Variants in CCDC25 observed in about 807,000 individuals in gnomAD.
CCDC25 encodes coiled-coil domain containing 25.
In CCDC25, 16 loss-of-function variants were observed where a neutral mutation model predicts 35.3. The observed-to-expected ratio is 0.45, with a 90% CI of 0.31 to 0.69. The LOEUF is 0.69. CCDC25 is among the 30% of genes least tolerant of loss of function. CCDC25 has a pLI of 0.06. For missense variants in CCDC25, 179 were observed against 250.7 expected (o/e 0.71, Z 1.93); for synonymous variants, 79 against 80.3 (o/e 0.98, Z 0.09).
chr8:27,750,706 A>T lies in CCDC25; in HGVS notation c.244+1806T>A, dbSNP rs1032096647. Among the ~76,000 whole-genome samples the T allele has an allele frequency of 3.9e-5, 6 of 152,242 alleles. 1 individual carries two copies. The highest frequency in any genetic ancestry group is 2.6e-4 in the Admixed American group (4 of 15,284). ...TTCAGAAGTCCGGACTGAACAGTTT[A>T]GGCCGAGGAGAGTCAAGACAGTTTC... is the stretch of plus-strand genomic sequence containing the variant. On this transcript the variant is annotated intron_variant, in intron 5 of 8. Coordinates refer to ENST00000356537, the MANE Select transcript of CCDC25 (RefSeq NM_018246.3).
chr8:27,740,867 C>T (rs1803413038), intron 7 of CCDC25, among the ~76,000 whole-genome samples: 1 of 152,152 alleles, frequency 6.6e-6, no homozygotes, highest in Non-Finnish European at 1.5e-5. Flanking sequence ...CTGAGGTATA[C>T]AGCTCAGATT....
chr8:27,767,852 AAGAGAAAAAAAT>A lies in CCDC25; in HGVS notation c.29-2613_29-2602del, dbSNP rs374644227. ...AACGTTTCAGGAAAAAGGTGTGTGC[AAGAGAAAAAAAT>A]AGAGAAAAAGAGAAACGGAAAAAGA... is the stretch of plus-strand genomic sequence containing the variant. On this transcript the variant is annotated intron_variant, in intron 1 of 8. Transcript: ENST00000356537. 3.2e-3 allele frequency among the ~76,000 whole-genome samples: 486 copies of A among 152,310 alleles called. 8 individuals carry two copies. Among genetic ancestry groups the A allele is most frequent in the African/African-American group, 0.011 (462 of 41,562 alleles).
Position 27,756,757 on chromosome 8 carries a change from T to C in CCDC25, c.130A>G (p.Lys44Glu). Residue 44 changes from lysine to glutamate, a missense_variant, in exon 4 of 9, where the codon AAA becomes GAA. Physicochemically the swap from Lys to Glu is moderately conservative, Grantham distance 56. Coordinates refer to ENST00000356537, the MANE Select transcript of CCDC25 (RefSeq NM_018246.3). ...AGGTATACATGAGCCGAAGAGAGTT[T>C]GTCCACATGAAACCTACAAAGAATG... Reference protein sequence around the residue: ...WPEDIWFHVDKLSSAHVYLRL... With the variant: ...WPEDIWFHVDELSSAHVYLRL... 6.2e-7 allele frequency: 1 copy of C among 1,612,784 alleles called. No individual in the cohort carries two copies.
chr8:27,753,083 G>C (rs1803873151), intron 4 of CCDC25: 1 of 152,432 alleles, frequency 6.6e-6, no homozygotes, highest in African/African-American at 2.4e-5. Context: ...TTGTTGTGTA[G>C]ATCTCAACCA....
At position 27,772,547 on chromosome 8, in the gene CCDC25, G is replaced by A. The variant is rs781566328; in HGVS notation, c.-7C>T. 16 of 1,549,330 alleles carry A rather than the reference G, an allele frequency of 1.0e-5. No individual in the cohort carries two copies. In the South Asian group the frequency reaches 1.9e-4, roughly 18 times the overall value. Reference sequence around the variant, plus strand: ...TGGTGAAGTAGAACACCATGATCCCGGGAGCGGTGCGGTGACTCCACCGCG... The same window carrying A: ...TGGTGAAGTAGAACACCATGATCCCAGGAGCGGTGCGGTGACTCCACCGCG... On this transcript the variant is annotated 5_prime_UTR_variant, in exon 1 of 9. Transcript: ENST00000356537.
At chr8:27,761,492 G>A (rs556155741) in intron 3 of CCDC25, among the ~76,000 whole-genome samples, 3 of 152,352 alleles carry the variant, frequency 2.0e-5, no homozygotes, top group South Asian at 4.1e-4. Flanking sequence ...TTGGCATATA[G>A]TTAAGTGCTT....
At chr8:27,738,601 G>GGTGTGTGTGTGTGTGTGT (rs35046025) in intron 8 of CCDC25, among the ~76,000 whole-genome samples, 3 of 149,958 alleles carry the variant, frequency 2.0e-5, no homozygotes, top group Admixed American at 1.3e-4. Flanking sequence ...TCGGTAGGTA[G>GGTGTGTGTGTGTGTGTGT]GTGTGTGTGT....
At chr8:27,755,847 G>A (rs1803984173) in intron 4 of CCDC25, among the ~76,000 whole-genome samples, 1 of 152,066 alleles carries the variant, frequency 6.6e-6, no homozygotes, top group Non-Finnish European at 1.5e-5. Flanking sequence ...AACTGTCAAG[G>A]TCATAAAAAA....
rs778721552 is a variant in CCDC25, at chr8:27,762,473, G to A, written c.77-15C>T. 9 of 1,610,752 alleles carry A rather than the reference G, an allele frequency of 5.6e-6. No homozygotes were observed. In the African/African-American group the frequency reaches 8.0e-5, roughly 14 times the overall value. ...CAGATCTTCATCTGCAATGAGATAT[G>A]AGAAACGAAAGAAACAAAAACTGTC... is the stretch of plus-strand genomic sequence containing the variant. On this transcript the variant is annotated splice_polypyrimidine_tract_variant and intron_variant, in intron 2 of 8. Transcript: ENST00000356537.
intron 7 of CCDC25, among the ~76,000 whole-genome samples, chr8:27,742,142 G>T (rs747531070): frequency 6.6e-6 from 1 of 152,184 alleles, no homozygotes; most frequent in Non-Finnish European, 1.5e-5. Flanking sequence ...GAGACATGCC[G>T]CATTTGAAGT....
chr8:27,769,890 C>T (rs946078070), intron 1 of CCDC25, among the ~76,000 whole-genome samples: 1 of 152,206 alleles, frequency 6.6e-6, no homozygotes, highest in Non-Finnish European at 1.5e-5. Context: ...GCCTTTAATC[C>T]TAGCACTTTG....
At chr8:27,764,672 A>C (rs1245363025) in intron 2 of CCDC25, 2 of 221,436 alleles carry the variant, frequency 9.0e-6, no homozygotes, top group Non-Finnish European at 1.9e-5. Context: ...CTGTGACATA[A>C]ATTATGTATC....
rs1803521473 is a variant in CCDC25 at position 27,743,951 on chromosome 8, T to C, written c.552-3434A>G. Among the ~76,000 whole-genome samples the C allele has an allele frequency of 2.0e-5, 3 of 152,202 alleles. No homozygotes were observed. The South Asian group carries it at 6.2e-4, about 31-fold the overall frequency. On this transcript the variant is annotated intron_variant, in intron 7 of 8. Transcript: ENST00000356537. The stretch of plus-strand genomic sequence containing the variant: ...TGAATCCATGGAGATTATTAAAAAA[T>C]ACAAGTGATTAGCGACAGCTTAGAA...
chr8:27,768,380 T>C (rs1255154602), intron 1 of CCDC25, among the ~76,000 whole-genome samples: 1 of 151,848 alleles, frequency 6.6e-6, no homozygotes, highest in Non-Finnish European at 1.5e-5. Flanking sequence ...GCCTGGCCAA[T>C]ATGGCGAAAC....
chr8:27,763,912 TGC>T (rs1388963309), intron 2 of CCDC25, among the ~76,000 whole-genome samples: 3 of 152,140 alleles, frequency 2.0e-5, no homozygotes, highest in Non-Finnish European at 4.4e-5. Context: ...GGCTTTCTAA[TGC>T]TTTAAGTAGG....
rs766905336 is a variant in CCDC25 at position 27,748,244 on chromosome 8, C to T, written c.384G>A (p.Glu128=). Reference sequence around the variant, plus strand: ...TGGTCTTTTCTAATCGGTTCAGGATCTCATTTACTTTCTTCTCCACTGTCA... The same window carrying T: ...TGGTCTTTTCTAATCGGTTCAGGATTTCATTTACTTTCTTCTCCACTGTCA... The part of the protein sequence containing the change: ...KIVTVEKKVN[E]ILNRLEKTKV... Residue 128 remains glutamate (E), a synonymous_variant, in exon 7 of 9, where the codon GAG becomes GAA. Transcript: ENST00000356537. 1.9e-6 allele frequency: 3 copies of T among 1,614,014 alleles called. No individual in the cohort carries two copies. Among genetic ancestry groups the T allele is most frequent in the Non-Finnish European group, 2.5e-6 (3 of 1,179,972 alleles).
chr8:27,759,373 G>A (rs993631045), intron 3 of CCDC25, among the ~76,000 whole-genome samples: 11 of 152,154 alleles, frequency 7.2e-5, no homozygotes, highest in African/African-American at 1.4e-4. Context: ...TTGGGAGGCC[G>A]AGGTGGGTGG....
rs1405098957 is a variant in CCDC25, at chr8:27,737,395, A to G, written c.598-1150T>C. ...AGTAAGACAGTCTGGGTTGTCATCAACGAAAGTAAGCCATTCCCTATAAAG... is the reference window on the plus strand; with the variant it reads ...AGTAAGACAGTCTGGGTTGTCATCAGCGAAAGTAAGCCATTCCCTATAAAG... On this transcript the variant is annotated intron_variant, in intron 8 of 8. Coordinates refer to ENST00000356537, the MANE Select transcript of CCDC25 (RefSeq NM_018246.3). The surrounding 1 kb of genome is among the most constrained non-coding windows in gnomAD (Gnocchi z 4.6). Among the ~76,000 whole-genome samples, 2 of 152,218 alleles carry G rather than the reference A, an allele frequency of 1.3e-5. No individual in the cohort carries two copies. The highest frequency in any genetic ancestry group is 2.9e-5 in the Non-Finnish European group (2 of 68,026).
chr8:27,767,375 T>C (rs1230954746), intron 1 of CCDC25, among the ~76,000 whole-genome samples: 1 of 151,824 alleles, frequency 6.6e-6, no homozygotes, highest in African/African-American at 2.4e-5. Flanking sequence ...AAAGAAAAAA[T>C]AATAACTGAT....
Sources: allele counts gnomAD v4.1 joint callset (sites outside exome capture counted in the v4.1 genomes callset), GRCh38; gene constraint gnomAD v4.1.1; non-coding constraint Gnocchi (gnomAD v3.1); transcripts MANE v1.5; gene names NCBI Gene and HGNC (gene_info 2026-07-23, HGNC 2026-07-21).